Variants in NUDT3 observed in about 807,000 individuals in gnomAD.
The protein encoded by NUDT3 is diphosphoinositol polyphosphate phosphohydrolase 1.
NUDT3 carries 9 observed loss-of-function variants against 23.6 expected under a neutral mutation model. That is an observed-to-expected ratio of 0.38 (90% CI 0.23 to 0.66). The LOEUF (loss-of-function observed/expected upper bound fraction) is 0.66, where lower values mean the gene tolerates loss of function less well. Ranked by LOEUF, NUDT3 falls within the 30% of genes least tolerant of loss-of-function variation. The probability of loss-of-function intolerance (pLI) is 0.52; values close to 1 mark genes in which losing one functional copy is unlikely to be tolerated. For synonymous variants in NUDT3, 86 were observed against 82.6 expected, an observed-to-expected ratio of 1.04 and a Z score of -0.22; for missense variants, 172 against 218.5, an observed-to-expected ratio of 0.79 and a Z score of 1.34.
chr6:34,320,814 C>T (rs879621505), intron 2 of NUDT3, among the ~76,000 whole-genome samples: 2 of 151,938 alleles, frequency 1.3e-5, no homozygotes, highest in Non-Finnish European at 2.9e-5. Context: ...CGAGCTTGGA[C>T]AAAGTGAGAC....
At chr6:34,310,306 G>T (rs796223154) in intron 2 of NUDT3, among the ~76,000 whole-genome samples, 2 of 151,974 alleles carry the variant, frequency 1.3e-5, no homozygotes, top group Non-Finnish European at 2.9e-5. Context: ...GAGGCAGGAG[G>T]ATCACTTGAG....
chr6:34,387,126 A>C (rs1280077277), intron 1 of NUDT3, among the ~76,000 whole-genome samples: 1 of 152,164 alleles, frequency 6.6e-6, no homozygotes, highest in Non-Finnish European at 1.5e-5. Context: ...ACAACAACAA[A>C]ATGTAGCACA....
At chr6:34,386,772 G>C (rs1295258180) in intron 1 of NUDT3, among the ~76,000 whole-genome samples, 1 of 152,106 alleles carries the variant, frequency 6.6e-6, no homozygotes, top group African/African-American at 2.4e-5. Flanking sequence ...CATTACTCAT[G>C]TGTTTATGGT....
chr6:34,290,172 T>C (rs1164076992), intron 4 of NUDT3, among the ~76,000 whole-genome samples: 1 of 152,224 alleles, frequency 6.6e-6, no homozygotes, highest in Non-Finnish European at 1.5e-5. Flanking sequence ...AAGAATGTGC[T>C]GCTGAATTTG....
intron 2 of NUDT3, among the ~76,000 whole-genome samples, chr6:34,336,758 T>TA (rs138821001): frequency 2.4e-4 from 36 of 150,336 alleles, no homozygotes; most frequent in African/African-American, 4.1e-4. Flanking sequence ...TGAAGTTCTT[T>TA]AAAAAAAAAA....
At chr6:34,314,933 A>G (rs1245250739) in intron 2 of NUDT3, among the ~76,000 whole-genome samples, 2 of 152,238 alleles carry the variant, frequency 1.3e-5, no homozygotes, top group East Asian at 1.9e-4. Flanking sequence ...GCAGTTAAAC[A>G]TCAGCACCAG....
intron 1 of NUDT3, among the ~76,000 whole-genome samples, chr6:34,371,972 C>T (rs563536060): frequency 1.3e-5 from 2 of 152,288 alleles, no homozygotes; most frequent in South Asian, 4.1e-4. Flanking sequence ...CAATTCCCAC[C>T]TATAAGTGAG....
intron 1 of NUDT3, among the ~76,000 whole-genome samples, chr6:34,346,956 T>C (rs1014592274): frequency 1.1e-4 from 16 of 152,072 alleles, no homozygotes; most frequent in African/African-American, 2.9e-4. Flanking sequence ...TTTTTAGAGA[T>C]GGGGGTCTCA....
chr6:34,358,292 C>CACACACACACA (rs1561917553), intron 1 of NUDT3, among the ~76,000 whole-genome samples: 1 of 149,952 alleles, frequency 6.7e-6, no homozygotes, highest in African/African-American at 2.5e-5. Flanking sequence ...CACACACACA[C>CACACACACACA]CCCTTATAAT....
intron 2 of NUDT3, among the ~76,000 whole-genome samples, chr6:34,318,335 G>GTTTCCATGGC (rs1763891702): frequency 6.6e-6 from 1 of 152,136 alleles, no homozygotes; most frequent in South Asian, 2.1e-4. Flanking sequence ...TAAAGTAAAA[G>GTTTCCATGGC]TTTCCATGGC....
intron 1 of NUDT3, among the ~76,000 whole-genome samples, chr6:34,389,658 A>AAAATAAAT (rs532898376): frequency 2.0e-5 from 3 of 151,956 alleles, no homozygotes; most frequent in Non-Finnish European, 4.4e-5. Flanking sequence ...ACCCTGTCTC[A>AAAATAAAT]AAATAAATAA....
rs1240969746 is a variant in NUDT3 at position 34,288,244 on chromosome 6, A to G, written c.*509T>C. On this transcript the variant is annotated 3_prime_UTR_variant, in exon 5 of 5. Transcript: ENST00000607016. ...CTCTTTCTAGAAGTCATTTATTTAC[A>G]TATTATATGTCCGATATATAATGTG... 1 of 152,290 alleles carries G rather than the reference A, an allele frequency of 6.6e-6. No individual in the cohort carries two copies. Among genetic ancestry groups the G allele is most frequent in the Non-Finnish European group, 1.5e-5 (1 of 68,084 alleles). 9.4% of individuals were successfully genotyped at this position (152,290 alleles called of 1,614,324 possible).
rs1431225176 is a variant in NUDT3, at chr6:34,282,099, T to A, written c.*6654A>T. ...CCTTCCCTGGCATAAGTCATATCTG[T>A]TATGCTGCAGGAACTGAGTAACCAA... On this transcript the variant is annotated 3_prime_UTR_variant, in exon 5 of 5. Coordinates refer to ENST00000607016, the MANE Select transcript of NUDT3 (RefSeq NM_006703.4). The A allele has an allele frequency of 1.3e-5, 2 of 152,224 alleles. No individual in the cohort carries two copies. The highest frequency in any genetic ancestry group is 2.9e-5 in the Non-Finnish European group (2 of 68,058). The allele number at this position is 152,224 out of a possible 1,614,324, so 9.4% of individuals were successfully genotyped here.
At chr6:34,355,279 C>T (rs62399904) in intron 1 of NUDT3, among the ~76,000 whole-genome samples, 5 of 151,916 alleles carry the variant, frequency 3.3e-5, no homozygotes, top group African/African-American at 1.2e-4. Flanking sequence ...TCTATTGATA[C>T]GATGATATGG....
chr6:34,345,454 G>A (rs529684255), intron 1 of NUDT3, among the ~76,000 whole-genome samples: 2 of 151,236 alleles, frequency 1.3e-5, no homozygotes, highest in African/African-American at 4.8e-5. Context: ...ACAAGGTCAG[G>A]AGATCGAGAC....
chr6:34,301,191 A>G (rs1763592152), intron 2 of NUDT3, among the ~76,000 whole-genome samples: 1 of 130,836 alleles, frequency 7.6e-6, no homozygotes, highest in African/African-American at 2.6e-5. Context: ...TACCAAGTGA[A>G]AGAGTTTCTC....
At chr6:34,338,125 A>T (rs944058661) in intron 2 of NUDT3, among the ~76,000 whole-genome samples, 1 of 152,194 alleles carries the variant, frequency 6.6e-6, no homozygotes, top group Non-Finnish European at 1.5e-5. Context: ...GTGTGCCTAC[A>T]CCCTTCTAAT....
intron 2 of NUDT3, among the ~76,000 whole-genome samples, chr6:34,331,553 G>A (rs1049314188): frequency 3.3e-5 from 5 of 152,208 alleles, no homozygotes; most frequent in Non-Finnish European, 5.9e-5. Flanking sequence ...AGCCAGAGGA[G>A]TAGCACAGAA....
At chr6:34,346,481 A>AT (rs1189636631) in intron 1 of NUDT3, among the ~76,000 whole-genome samples, 2 of 152,214 alleles carry the variant, frequency 1.3e-5, no homozygotes, top group Non-Finnish European at 2.9e-5. Flanking sequence ...TTCAAAGATA[A>AT]AGCAAAGAAA....
Sources: gnomAD v4.1 joint callset for allele counts (sites outside exome capture counted in the v4.1 genomes callset) on GRCh38, gnomAD v4.1.1 for gene constraint, MANE v1.5 for transcripts, NCBI Gene and HGNC (gene_info 2026-07-23, HGNC 2026-07-21) for gene names.